Variants in PARD3 observed in about 807,000 individuals in gnomAD.
The protein encoded by PARD3 is partitioning defective 3 homolog.
A neutral mutation model predicts 155.4 loss-of-function variants in PARD3; 75 were observed. That is an observed-to-expected ratio of 0.48 (90% CI 0.40 to 0.58). PARD3 has a LOEUF of 0.58. Ranked by LOEUF, PARD3 falls within the 20% of genes least tolerant of loss-of-function variation. The pLI is 0.00. For missense variants in PARD3, 1,642 were observed against 1,721.7 expected (o/e 0.95, Z 0.82); for synonymous variants, 576 against 610.5 (o/e 0.94, Z 0.83).
chr10:34,581,229 C>CTTT (rs1564376327), intron 2 of PARD3, among the ~76,000 whole-genome samples: 1 of 95,144 alleles, frequency 1.1e-5, no homozygotes, highest in East Asian at 3.0e-4. Flanking sequence ...TTTTCTTTTT[C>CTTT]TTTTCTTTTT....
At chr10:34,775,626 T>C (rs759654356) in intron 1 of PARD3, among the ~76,000 whole-genome samples, 2 of 151,726 alleles carry the variant, frequency 1.3e-5, no homozygotes, top group Non-Finnish European at 2.9e-5. Context: ...CTACAAGAGA[T>C]ATATGCGTGA....
At chr10:34,310,864 G>T (rs1957663770) in intron 20 of PARD3, among the ~76,000 whole-genome samples, 1 of 152,176 alleles carries the variant, frequency 6.6e-6, no homozygotes, top group African/African-American at 2.4e-5. Flanking sequence ...TCACAAAACA[G>T]AGCTGTTCTT....
At chr10:34,355,746 G>T (rs746361736) in intron 14 of PARD3, among the ~76,000 whole-genome samples, 2 of 151,812 alleles carry the variant, frequency 1.3e-5, no homozygotes, top group Admixed American at 6.6e-5. Flanking sequence ...GACCAACATG[G>T]TGAAACCCCA....
At chr10:34,443,514 G>A (rs986651234) in intron 5 of PARD3, among the ~76,000 whole-genome samples, 3 of 152,184 alleles carry the variant, frequency 2.0e-5, no homozygotes, top group Non-Finnish European at 4.4e-5. Flanking sequence ...GGAAGGCAGG[G>A]AGGAGAAAGT....
intron 5 of PARD3, among the ~76,000 whole-genome samples, chr10:34,447,403 C>A (rs906156337): frequency 6.9e-6 from 1 of 144,322 alleles, no homozygotes; most frequent in Admixed American, 7.3e-5. Flanking sequence ...ACTGCTTGAA[C>A]CCAGGAGGTA....
At chr10:34,336,173 G>A (rs376659099) in intron 18 of PARD3, 26 bp downstream of exon 18, 160 of 1,587,794 alleles carry the variant, frequency 1.0e-4, no homozygotes, top group Admixed American at 2.0e-4. Context: ...CGTTTCTATG[G>A]CAACAGTCTA....
chr10:34,467,296 G>A, intron 4 of PARD3, among the ~76,000 whole-genome samples: 1 of 150,938 alleles, frequency 6.6e-6, no homozygotes, highest in East Asian at 1.9e-4. Flanking sequence ...AAATAATCAG[G>A]ATGCAAATAT....
chr10:34,642,214 A>G lies in PARD3; in HGVS notation c.222+54104T>C, dbSNP rs559451577. Reference sequence around the variant, plus strand: ...TCCTGAGCCTCCTGCCCTGCCTCGCACCCTCTGTCATCCCTTGCTGCTTCT... The same window carrying G: ...TCCTGAGCCTCCTGCCCTGCCTCGCGCCCTCTGTCATCCCTTGCTGCTTCT... On this transcript the variant is annotated intron_variant, in intron 2 of 24. Coordinates refer to ENST00000374788, the MANE Select transcript of PARD3 (RefSeq NM_001184785.2). 6.0e-5 allele frequency among the ~76,000 whole-genome samples: 9 copies of G among 150,380 alleles called. No homozygotes were observed. In the South Asian group the frequency reaches 1.9e-3, roughly 32 times the overall value.
At chr10:34,432,719 C>A (rs2076009276) in intron 5 of PARD3, among the ~76,000 whole-genome samples, 1 of 152,114 alleles carries the variant, frequency 6.6e-6, no homozygotes, top group South Asian at 2.1e-4. Flanking sequence ...TTACCTTCAC[C>A]CATGTTGAAT....
chr10:34,621,058 A>T (rs1269164336), intron 2 of PARD3, among the ~76,000 whole-genome samples: 1 of 152,230 alleles, frequency 6.6e-6, no homozygotes, highest in African/African-American at 2.4e-5. Context: ...GTAACAGTAC[A>T]TTGGAGAAAC....
chr10:34,470,309 G>A lies in PARD3; in HGVS notation c.404-46C>T, dbSNP rs748575686. The A allele has an allele frequency of 5.1e-6, 7 of 1,369,222 alleles. No homozygotes were observed. The South Asian group carries it at 6.2e-5, about 12-fold the overall frequency. 84.8% of individuals were successfully genotyped at this position (1,369,222 alleles called of 1,614,324 possible). A position where few individuals can be genotyped will look rare whatever the true frequency, so the allele number is the denominator to read the frequency against. ...TGCTGAAAAATAAGATACTAATGTTGGTAAACTACATGTTAGGAGAACGTA... is the reference window on the plus strand; with the variant it reads ...TGCTGAAAAATAAGATACTAATGTTAGTAAACTACATGTTAGGAGAACGTA... On this transcript the variant is annotated intron_variant, in intron 3 of 24. Transcript: ENST00000374788.
At chr10:34,616,946 A>AAT (rs1554788769) in intron 2 of PARD3, among the ~76,000 whole-genome samples, 22 of 151,706 alleles carry the variant, frequency 1.5e-4, no homozygotes, top group African/African-American at 5.3e-4. Context: ...AAAAAAAAAA[A>AAT]AAATAACTAA....
chr10:34,575,391 G>A (rs2086798613), intron 2 of PARD3, among the ~76,000 whole-genome samples: 2 of 152,126 alleles, frequency 1.3e-5, no homozygotes, highest in African/African-American at 4.8e-5. Flanking sequence ...TAATCACAAG[G>A]GAGTAGGCTT....
chr10:34,594,126 A>T (rs1821543713), intron 2 of PARD3, among the ~76,000 whole-genome samples: 1 of 152,178 alleles, frequency 6.6e-6, no homozygotes, highest in South Asian at 2.1e-4. Flanking sequence ...AGAGAAAGCA[A>T]GGGTTTATTA....
intron 2 of PARD3, among the ~76,000 whole-genome samples, chr10:34,547,502 C>T (rs996784593): frequency 2.6e-5 from 4 of 152,282 alleles, no homozygotes; most frequent in South Asian, 4.1e-4. Context: ...GCCAAGAACT[C>T]GTCGAGATTT....
intron 20 of PARD3, among the ~76,000 whole-genome samples, chr10:34,286,351 C>T (rs1778870): frequency 0.11 from 17,039 of 151,902 alleles, 2,239 homozygotes; most frequent in African/African-American, 0.32. Context: ...ACTGCTTATA[C>T]TCAGGTAACG....
chr10:34,613,792 G>A (rs1247002702), intron 2 of PARD3, among the ~76,000 whole-genome samples: 2 of 152,176 alleles, frequency 1.3e-5, no homozygotes, highest in African/African-American at 4.8e-5. Flanking sequence ...CAGTTTATGG[G>A]AGAAACCAAC....
chr10:34,518,086 C>G (rs1018600161), intron 2 of PARD3, among the ~76,000 whole-genome samples: 1 of 152,102 alleles, frequency 6.6e-6, no homozygotes, highest in Non-Finnish European at 1.5e-5. Context: ...ATCATATTGG[C>G]CAGGCCAGTC....
chr10:34,355,231 G>A (rs1589282841), intron 14 of PARD3, among the ~76,000 whole-genome samples: 1 of 152,108 alleles, frequency 6.6e-6, no homozygotes, highest in East Asian at 1.9e-4. Context: ...AGGGAGACAG[G>A]TGGCAGGATT....
Sources: allele counts gnomAD v4.1 joint callset (sites outside exome capture counted in the v4.1 genomes callset), GRCh38; gene constraint gnomAD v4.1.1; transcripts MANE v1.5; gene names NCBI Gene and HGNC (gene_info 2026-07-23, HGNC 2026-07-21).